Variants in ZNF148 observed in about 807,000 individuals in gnomAD.
ZNF148 encodes Beta-Enolase Repressor Factor-1.
In ZNF148, 7 loss-of-function variants were observed where a neutral mutation model predicts 67.7. The ratio of observed to expected loss-of-function variants is 0.10; its 90% CI spans 0.06 to 0.19. The LOEUF (loss-of-function observed/expected upper bound fraction) is 0.19. Among genes scored for constraint, ZNF148 ranks in the 10% least tolerant of loss-of-function variants. The probability of loss-of-function intolerance (pLI) is 1.00; values close to 1 mark genes in which losing one functional copy is unlikely to be tolerated. For synonymous variants in ZNF148, 333 were observed against 330.7 expected (o/e 1.01, Z -0.08); for missense variants, 583 against 947.1 (o/e 0.62, Z 5.05).
intron 7 of ZNF148, among the ~76,000 whole-genome samples, chr3:125,236,870 C>T (rs1481250943): frequency 6.6e-6 from 1 of 152,152 alleles, no homozygotes; most frequent in Non-Finnish European, 1.5e-5. Context: ...ACTAGAAAGA[C>T]AGCTTACTAC....
chr3:125,266,539 C>T (rs1481087531), intron 7 of ZNF148, among the ~76,000 whole-genome samples: 1 of 152,128 alleles, frequency 6.6e-6, no homozygotes, highest in Admixed American at 6.5e-5. Context: ...AACAGAGACA[C>T]AACCTACCAA....
intron 1 of ZNF148, among the ~76,000 whole-genome samples, chr3:125,370,501 T>TTA (rs1172007702): frequency 1.3e-5 from 2 of 152,220 alleles, no homozygotes; most frequent in Non-Finnish European, 2.9e-5. Flanking sequence ...CTAGAACAGG[T>TTA]TACAATGTAC....
rs542895580 is a variant in ZNF148 at position 125,320,025 on chromosome 3, G to C, written c.-17+3284C>G. 2.0e-5 allele frequency among the ~76,000 whole-genome samples: 3 copies of C among 152,258 alleles called. No individual in the cohort carries two copies. In the East Asian group the frequency reaches 5.8e-4, roughly 29 times the overall value. ...TACTATGGGAGAACTTTCCGACACA[G>C]AATCCCCTTTTCTCCTGTGGGAGGA... On this transcript the variant is annotated intron_variant, in intron 3 of 8. Coordinates refer to ENST00000360647, the MANE Select transcript of ZNF148 (RefSeq NM_021964.3).
intron 3 of ZNF148, among the ~76,000 whole-genome samples, chr3:125,317,113 T>A (rs911222887): frequency 6.6e-5 from 10 of 152,126 alleles, no homozygotes; most frequent in Admixed American, 3.9e-4. Context: ...AAAAGAAATC[T>A]CACTTCCTTT....
chr3:125,256,663 G>A (rs2107561265), intron 7 of ZNF148, among the ~76,000 whole-genome samples: 1 of 152,204 alleles, frequency 6.6e-6, no homozygotes, highest in African/African-American at 2.4e-5. Context: ...GCAACAGAGT[G>A]AGACTCCATC....
chr3:125,362,562 G>GT (rs35695528), intron 1 of ZNF148, among the ~76,000 whole-genome samples: 46,759 of 147,142 alleles, frequency 0.32, 7,590 homozygotes, highest in Middle Eastern at 0.42. Context: ...TTTTGTTTTT[G>GT]TTTTTTTTTT....
intron 2 of ZNF148, among the ~76,000 whole-genome samples, chr3:125,325,582 C>T (rs556474271): frequency 3.3e-5 from 5 of 152,232 alleles, no homozygotes; most frequent in African/African-American, 1.2e-4. Context: ...TCTCCTGCCT[C>T]AGCCTCCCGA....
At position 125,293,854 on chromosome 3, in the gene ZNF148, T is replaced by G. The variant is rs542463831; in HGVS notation, c.334-5626A>C. Among the ~76,000 whole-genome samples, 20 of 152,222 alleles carry G rather than the reference T, an allele frequency of 1.3e-4. No individual in the cohort carries two copies. The South Asian group carries it at 3.5e-3, about 27-fold the overall frequency. On this transcript the variant is annotated intron_variant, in intron 4 of 8. Transcript: ENST00000360647. ...AACCATTACAGGCAAGGCCCACCAA[T>G]AGATGCTGAAGTTAGTGGGCAAAAT...
At chr3:125,281,831 C>T (rs909957057) in intron 5 of ZNF148, among the ~76,000 whole-genome samples, 6 of 152,120 alleles carry the variant, frequency 3.9e-5, no homozygotes, top group Admixed American at 3.9e-4. Context: ...ATTTTCCTTA[C>T]TTTCTTTTTA....
intron 4 of ZNF148, among the ~76,000 whole-genome samples, chr3:125,307,753 TC>T (rs771676016): frequency 4.0e-5 from 6 of 151,042 alleles, no homozygotes; most frequent in Admixed American, 6.6e-5. Context: ...CAGGTGATCC[TC>T]CCAATTCAGC....
At chr3:125,314,243 A>G (rs993481464) in intron 3 of ZNF148, among the ~76,000 whole-genome samples, 1 of 152,166 alleles carries the variant, frequency 6.6e-6, no homozygotes, top group African/African-American at 2.4e-5. Flanking sequence ...TAGATCAACT[A>G]TTTTCAAAAG....
intron 7 of ZNF148, among the ~76,000 whole-genome samples, chr3:125,245,277 G>A (rs1449395261): frequency 1.3e-5 from 2 of 152,098 alleles, no homozygotes; most frequent in East Asian, 1.9e-4. Flanking sequence ...GATCATGGGG[G>A]CATTTCCCCT....
chr3:125,293,092 T>G (rs1469561594), intron 4 of ZNF148, among the ~76,000 whole-genome samples: 1 of 152,212 alleles, frequency 6.6e-6, no homozygotes, highest in Non-Finnish European at 1.5e-5. Context: ...AATTAATACA[T>G]AAAACTTTAA....
chr3:125,330,465 CAAAAAAAAA>C (rs200643048), intron 2 of ZNF148, among the ~76,000 whole-genome samples: 14,741 of 118,562 alleles, frequency 0.12, 875 homozygotes, highest in East Asian at 0.16. Flanking sequence ...AACCCTATCT[CAAAAAAAAA>C]AAAAAAAAAA....
rs1328622701 is a variant in ZNF148, at chr3:125,356,657, TC to T, written c.-234+18444del. Among the ~76,000 whole-genome samples, 10 of 152,316 alleles carry T rather than the reference TC, an allele frequency of 6.6e-5. No individual in the cohort carries two copies. The East Asian group carries it at 1.7e-3, about 26-fold the overall frequency. On this transcript the variant is annotated intron_variant, in intron 1 of 8. Transcript: ENST00000360647. ...ACCATGCCTAATTTTGCAAAATTCT[TC>T]ATGTAAACTCAACAAATCACAATTA...
chr3:125,275,436 C>T (rs560632943), intron 7 of ZNF148, among the ~76,000 whole-genome samples: 1 of 152,292 alleles, frequency 6.6e-6, no homozygotes, highest in African/African-American at 2.4e-5. Flanking sequence ...TGCTTCTAGT[C>T]CCATTCTGCA....
At chr3:125,239,043 T>C (rs539608856) in intron 7 of ZNF148, among the ~76,000 whole-genome samples, 60 of 152,214 alleles carry the variant, frequency 3.9e-4, no homozygotes, top group Non-Finnish European at 7.6e-4. Context: ...TTATATGCGG[T>C]ATCTAGAACA....
intron 1 of ZNF148, among the ~76,000 whole-genome samples, chr3:125,355,795 CATTA>C (rs369905991): frequency 1.8e-4 from 27 of 151,332 alleles, no homozygotes; most frequent in African/African-American, 6.5e-4. Flanking sequence ...CTAATGAAAA[CATTA>C]ATTAAATATT....
intron 7 of ZNF148, among the ~76,000 whole-genome samples, chr3:125,242,018 G>A (rs544193511): frequency 1.3e-5 from 2 of 152,160 alleles, no homozygotes; most frequent in Non-Finnish European, 2.9e-5. Context: ...CTGTCTGCTC[G>A]TATCTTCCAC....
Sources: gnomAD v4.1 joint callset for allele counts (sites outside exome capture counted in the v4.1 genomes callset) on GRCh38, gnomAD v4.1.1 for gene constraint, MANE v1.5 for transcripts, NCBI Gene and HGNC (gene_info 2026-07-23, HGNC 2026-07-21) for gene names.